Variants in FRMPD4 observed in about 807,000 individuals in gnomAD.
FRMPD4 encodes FERM and PDZ domain-containing protein 4.
FRMPD4 carries 22 observed loss-of-function variants against 94.1 expected under a neutral mutation model. That is an observed-to-expected ratio of 0.23 (90% CI 0.17 to 0.33). The LOEUF (loss-of-function observed/expected upper bound fraction) is 0.33. Among genes scored for constraint, FRMPD4 ranks in the 10% least tolerant of loss-of-function variants. FRMPD4 has a pLI of 1.00. For missense variants in FRMPD4, 1,111 were observed against 1,339.9 expected (o/e 0.83, Z 2.67); for synonymous variants, 631 against 548.6 (o/e 1.15, Z -2.10).
intron 3 of FRMPD4, among the ~76,000 whole-genome samples, chrX:12,613,841 G>T (rs772274612): frequency 8.9e-6 from 1 of 112,680 alleles, no homozygotes; most frequent in East Asian, 2.8e-4. Flanking sequence ...GCTGGGCATG[G>T]TGGCGGGCGC....
intron 1 of FRMPD4, among the ~76,000 whole-genome samples, chrX:12,356,675 G>A (rs148035506): frequency 3.2e-3 from 363 of 112,213 alleles, no homozygotes; most frequent in Non-Finnish European, 5.2e-3. Flanking sequence ...CAATAAAGCT[G>A]CTTTTAAAAA....
At chrX:12,294,189 C>G (rs755810145) in intron 1 of FRMPD4, among the ~76,000 whole-genome samples, 2 of 110,914 alleles carry the variant, frequency 1.8e-5, no homozygotes, top group Non-Finnish European at 3.8e-5. Context: ...GCCAGGTGTC[C>G]CTGGAGGGTG....
At position 12,585,457 on chromosome X, in the gene FRMPD4, G is replaced by C. The variant is rs982661079; in HGVS notation, c.159-24264G>C. Among the ~76,000 whole-genome samples, 16 of 111,368 alleles carry C rather than the reference G, an allele frequency of 1.4e-4. 1 individual carries two copies. The highest frequency in any genetic ancestry group is 2.8e-4 in the East Asian group (1 of 3,573). On this transcript the variant is annotated intron_variant, in intron 2 of 16. Coordinates refer to ENST00000675598, the MANE Select transcript of FRMPD4 (RefSeq NM_001368397.1). ...GCTGGTCTCGAACTCCTGACCTCCT[G>C]ATCCACCTGCCTTGGCCTCCCAAAG...
chrX:12,654,824 G>A (rs1356722462), intron 4 of FRMPD4, among the ~76,000 whole-genome samples: 2 of 112,156 alleles, frequency 1.8e-5, no homozygotes, highest in Non-Finnish European at 3.8e-5. Context: ...TGTGCTTCTA[G>A]ACCCATTTCT....
intron 1 of FRMPD4, among the ~76,000 whole-genome samples, chrX:12,238,286 G>A (rs1371337233): frequency 9.1e-6 from 1 of 110,287 alleles, no homozygotes; most frequent in Admixed American, 9.7e-5. Flanking sequence ...CACCACACCT[G>A]GCTAATTTTG....
At chrX:12,060,634 G>C (rs181899978) in intron 3 of FRMPD4, among the ~76,000 whole-genome samples, 69 of 111,296 alleles carry the variant, frequency 6.2e-4, no homozygotes, top group African/African-American at 2.1e-3. Flanking sequence ...TGGAATGAAA[G>C]AGTCAATCTA....
chrX:12,718,540 G>C lies in FRMPD4; in HGVS notation c.3714G>C (p.Pro1238=). ...GSACATPVES[P]LCPSLGKHLI... is the part of the protein sequence containing the mutation. ...CCTGTGCCACACCCGTGGAGTCGCCGCTCTGCCCCTCCCTGGGGAAGCACT... is the reference window on the plus strand; with the variant it reads ...CCTGTGCCACACCCGTGGAGTCGCCCCTCTGCCCCTCCCTGGGGAAGCACT... The change falls in exon 16 of 17, where the codon CCG becomes CCC. Residue 1238 remains proline, a synonymous_variant. Coordinates refer to ENST00000675598, the MANE Select transcript of FRMPD4 (RefSeq NM_001368397.1). The C allele has an allele frequency of 8.3e-7, 1 of 1,201,793 alleles. No individual in the cohort carries two copies. The highest frequency in any genetic ancestry group is 1.7e-5 in the African/African-American group (1 of 57,635).
At chrX:12,343,623 A>G (rs755400383) in intron 1 of FRMPD4, among the ~76,000 whole-genome samples, 20 of 111,979 alleles carry the variant, frequency 1.8e-4, no homozygotes, top group African/African-American at 6.2e-4. Flanking sequence ...AGCATATTCC[A>G]TTTGTCTATA....
intron 14 of FRMPD4, among the ~76,000 whole-genome samples, chrX:12,711,075 T>C (rs1301216239): frequency 8.9e-6 from 1 of 111,795 alleles, no homozygotes; most frequent in African/African-American, 3.3e-5. Context: ...CACTCAGAAG[T>C]GTCAGGGTGC....
At chrX:12,653,913 ATG>A (rs2059625138) in intron 4 of FRMPD4, among the ~76,000 whole-genome samples, 1 of 111,649 alleles carries the variant, frequency 9.0e-6, no homozygotes, top group Non-Finnish European at 1.9e-5. Flanking sequence ...GATTACAGGC[ATG>A]TGCCACCATG....
At chrX:11,857,688 G>A (rs1601808380) in intron 1 of FRMPD4, among the ~76,000 whole-genome samples, 1 of 112,681 alleles carries the variant, frequency 8.9e-6, no homozygotes, top group Non-Finnish European at 1.9e-5. Context: ...AAAAGCAATC[G>A]CAACAAAAGC....
chrX:12,428,719 C>T (rs1273119012), intron 1 of FRMPD4, among the ~76,000 whole-genome samples: 3 of 111,656 alleles, frequency 2.7e-5, no homozygotes, highest in Non-Finnish European at 3.8e-5. Flanking sequence ...ATTATAGTAT[C>T]TTTGAAGTTA....
intron 1 of FRMPD4, among the ~76,000 whole-genome samples, chrX:12,492,735 G>A (rs1569298345): frequency 1.8e-5 from 2 of 111,573 alleles, no homozygotes; most frequent in Admixed American, 1.9e-4. Flanking sequence ...TTATTTTCAG[G>A]CTATTAATGT....
At chrX:12,034,671 A>G (rs2054710674) in intron 3 of FRMPD4, among the ~76,000 whole-genome samples, 1 of 111,974 alleles carries the variant, frequency 8.9e-6, no homozygotes, top group Admixed American at 9.5e-5. Flanking sequence ...TTTACTGGGA[A>G]GGTACACTCA....
At chrX:12,272,193 T>C (rs2054364952) in intron 1 of FRMPD4, among the ~76,000 whole-genome samples, 1 of 112,331 alleles carries the variant, frequency 8.9e-6, no homozygotes, top group Non-Finnish European at 1.9e-5. Flanking sequence ...AAGCACTCTA[T>C]AGATGTCTTC....
rs766198801 is a variant in FRMPD4 at position 12,082,756 on chromosome X, T to C, written c.95+204738T>C. Among the ~76,000 whole-genome samples, 299 of 111,455 alleles carry C rather than the reference T, an allele frequency of 2.7e-3. 1 individual carries two copies. Among genetic ancestry groups the C allele is most frequent in the African/African-American group, 9.1e-3 (279 of 30,623 alleles). On this transcript the variant is annotated intron_variant, in intron 3 of 18. Coordinates refer to the FRMPD4 transcript ENST00000640291. ...GTGGTCTCAGATGAAGATGAGGAACTTGGGAACTAGAGCAAAGATGACTCT... is the reference window on the plus strand; with the variant it reads ...GTGGTCTCAGATGAAGATGAGGAACCTGGGAACTAGAGCAAAGATGACTCT...
chrX:12,613,258 C>T (rs1016592769), intron 3 of FRMPD4, among the ~76,000 whole-genome samples: 1 of 111,739 alleles, frequency 8.9e-6, no homozygotes, highest in Non-Finnish European at 1.9e-5. Flanking sequence ...ATGTATGCTT[C>T]ACTCAGATGT....
chrX:11,839,633 T>A (rs1008725214), intron 1 of FRMPD4, among the ~76,000 whole-genome samples: 2 of 111,638 alleles, frequency 1.8e-5, no homozygotes, highest in African/African-American at 3.2e-5. Context: ...CATGAAGAGT[T>A]TTTTCTGTTT....
intron 3 of FRMPD4, among the ~76,000 whole-genome samples, chrX:11,946,788 C>A (rs1161491661): frequency 9.0e-6 from 1 of 111,408 alleles, no homozygotes; most frequent in Non-Finnish European, 1.9e-5. Flanking sequence ...TCTGCTTGAT[C>A]TGAGGCATTT....
Sources: allele counts gnomAD v4.1 joint callset (sites outside exome capture counted in the v4.1 genomes callset), GRCh38; gene constraint gnomAD v4.1.1; transcripts MANE v1.5; gene names NCBI Gene and HGNC (gene_info 2026-07-23, HGNC 2026-07-21).